The following IGFL2 variants were observed in gnomAD, a reference collection of about 807,000 sequenced individuals.
IGFL2 encodes the protein IGF like family member 2, also known as insulin growth factor-like family member 2.
Under a neutral mutation model 13.9 loss-of-function variants are expected in IGFL2, and 7 were observed. That is an observed-to-expected ratio of 0.51 (90% CI 0.29 to 0.95). The LOEUF is 0.95. IGFL2 is among the 40% of genes least tolerant of loss of function. The probability of loss-of-function intolerance (pLI) is 0.08; values close to 1 mark genes in which losing one functional copy is unlikely to be tolerated. For missense variants in IGFL2, 138 were observed against 147.8 expected (o/e 0.93, Z 0.34); for synonymous variants, 55 against 55.8 (o/e 0.99, Z 0.07).
At chr19:46,157,098 C>T (rs1381584170) in intron 1 of IGFL2, among the ~76,000 whole-genome samples, 1 of 152,002 alleles carries the variant, frequency 6.6e-6, no homozygotes, top group Non-Finnish European at 1.5e-5. Context: ...TTTTAGTAGC[C>T]TTATAACTAT....
At chr19:46,181,579 G>A in the IGFL2 span, among the ~76,000 whole-genome samples, 3 of 152,330 alleles carry the variant, frequency 2.0e-5, no homozygotes, top group African/African-American at 7.2e-5. Flanking sequence ...GGCAGACCCA[G>A]GGCTGCCGCC....
At chr19:46,153,599 G>C (rs969562153) in intron 1 of IGFL2, among the ~76,000 whole-genome samples, 10 of 151,932 alleles carry the variant, frequency 6.6e-5, no homozygotes, top group African/African-American at 2.4e-4. Context: ...CCAGTTAAGA[G>C]AAGAAAGGAT....
chr19:46,088,217 A>G, the IGFL2 span, among the ~76,000 whole-genome samples: 2,043 of 152,206 alleles, frequency 0.013, 53 homozygotes, highest in African/African-American at 0.046. Context: ...GTCATTATCT[A>G]TGGACTATTT....
chr19:46,127,758 A>G, the IGFL2 span, among the ~76,000 whole-genome samples: 1 of 152,054 alleles, frequency 6.6e-6, no homozygotes, highest in Non-Finnish European at 1.5e-5. Flanking sequence ...TAGAGTCACT[A>G]ATTTTACTTT....
the IGFL2 span, among the ~76,000 whole-genome samples, chr19:46,127,381 A>G: frequency 6.6e-6 from 1 of 152,150 alleles, no homozygotes; most frequent in Non-Finnish European, 1.5e-5. Context: ...AAGGAGAGAA[A>G]GAGAATAAGA....
chr19:46,139,911 T>C (rs911585695), upstream of IGFL2, among the ~76,000 whole-genome samples: 2 of 151,814 alleles, frequency 1.3e-5, no homozygotes, highest in African/African-American at 2.4e-5. Context: ...GTATATATAG[T>C]ATGAGATACA....
chr19:46,133,982 G>C, the IGFL2 span, among the ~76,000 whole-genome samples: 1 of 152,190 alleles, frequency 6.6e-6, no homozygotes, highest in African/African-American at 2.4e-5. Context: ...AAAAGAGCTG[G>C]TAGGGCTTTT....
the IGFL2 span, among the ~76,000 whole-genome samples, chr19:46,192,581 G>T: frequency 4.6e-5 from 7 of 151,704 alleles, no homozygotes; most frequent in African/African-American, 1.5e-4. Flanking sequence ...CACCATGCCG[G>T]GCTAACTTTT....
chr19:46,079,198 T>A, the IGFL2 span, among the ~76,000 whole-genome samples: 2 of 152,280 alleles, frequency 1.3e-5, no homozygotes, highest in African/African-American at 4.8e-5. Context: ...AGTAACTGCC[T>A]TGGTGTCAGT....
At chr19:46,120,252 T>A in the IGFL2 span, 1 of 1,598,088 alleles carries the variant, frequency 6.3e-7, no homozygotes. Flanking sequence ...CTCTCCGAAG[T>A]TCAACTGTAG....
intron 1 of IGFL2, among the ~76,000 whole-genome samples, chr19:46,150,956 A>G (rs1371682791): frequency 6.6e-6 from 1 of 152,196 alleles, no homozygotes; most frequent in Non-Finnish European, 1.5e-5. Flanking sequence ...ATGAGCCATC[A>G]CGTCCAGCCC....
chr19:46,191,304 C>T, the IGFL2 span, among the ~76,000 whole-genome samples: 2 of 152,088 alleles, frequency 1.3e-5, no homozygotes, highest in South Asian at 2.1e-4. Context: ...GTTGGGAGGC[C>T]GATGTAGACT....
At chr19:46,174,141 A>G in the IGFL2 span, 7 of 152,342 alleles carry the variant, frequency 4.6e-5, no homozygotes, top group East Asian at 1.4e-3. Context: ...GCGAATACAG[A>G]CCCACCTTTT....
the IGFL2 span, among the ~76,000 whole-genome samples, chr19:46,079,529 A>T: frequency 0.084 from 12,814 of 152,114 alleles, 912 homozygotes; most frequent in African/African-American, 0.19. Flanking sequence ...CGGGCTCAGA[A>T]GTTCTTTGCC....
chr19:46,096,845 A>G, the IGFL2 span, among the ~76,000 whole-genome samples: 6 of 152,250 alleles, frequency 3.9e-5, no homozygotes, highest in Non-Finnish European at 4.4e-5. Flanking sequence ...ATGTTGAACC[A>G]GCCTTGCATC....
the IGFL2 span, among the ~76,000 whole-genome samples, chr19:46,109,551 C>T: frequency 6.6e-5 from 10 of 152,176 alleles, no homozygotes; most frequent in African/African-American, 1.4e-4. Context: ...CTCCTGACCT[C>T]GTGATCCACC....
chr19:46,168,470 C>T, the IGFL2 span, among the ~76,000 whole-genome samples: 1 of 152,174 alleles, frequency 6.6e-6, no homozygotes, highest in Non-Finnish European at 1.5e-5. Context: ...CATACTCCTC[C>T]CTTTGAGCTA....
chr19:46,153,391 T>C (rs542258851), intron 1 of IGFL2, among the ~76,000 whole-genome samples: 14 of 152,332 alleles, frequency 9.2e-5, no homozygotes, highest in South Asian at 2.1e-4. Flanking sequence ...AGGTATCTTA[T>C]TGTGGTTTTG....
the IGFL2 span, chr19:46,181,143 C>T: frequency 6.6e-6 from 1 of 152,222 alleles, no homozygotes; most frequent in African/African-American, 2.4e-5. Context: ...ATGACTGACT[C>T]CATCTTGCTT....
Sources: gnomAD v4.1 joint callset for allele counts (sites outside exome capture counted in the v4.1 genomes callset) on GRCh38, gnomAD v4.1.1 for gene constraint, MANE v1.5 for transcripts, NCBI Gene and HGNC (gene_info 2026-07-23, HGNC 2026-07-21) for gene names.